TENM1: variants seen among roughly 807,000 people sequenced by gnomAD.
TENM1 encodes the protein teneurin-1.
A neutral mutation model predicts 174.8 loss-of-function variants in TENM1; 35 were observed. That is an observed-to-expected ratio of 0.20 (90% CI 0.15 to 0.27). TENM1 has a LOEUF of 0.27. Among genes scored for constraint, TENM1 ranks in the 10% least tolerant of loss-of-function variants. The pLI is 1.00. For synonymous variants in TENM1, 781 were observed against 798.7 expected (o/e 0.98, Z 0.37); for missense variants, 1,633 against 2,130.1 (o/e 0.77, Z 4.59).
intron 11 of TENM1, among the ~76,000 whole-genome samples, chrX:124,641,237 G>C (rs772483222): frequency 8.0e-5 from 9 of 111,833 alleles, no homozygotes; most frequent in Non-Finnish European, 1.5e-4. Context: ...AATAGTTTGT[G>C]GTAGGCTTTT....
the TENM1 span, among the ~76,000 whole-genome samples, chrX:125,175,296 T>G: frequency 9.0e-6 from 1 of 111,389 alleles, no homozygotes; most frequent in Non-Finnish European, 1.9e-5. Context: ...TATTCACCCT[T>G]TCAGGAATGA....
At chrX:124,788,312 T>C (rs1198869463) in intron 3 of TENM1, among the ~76,000 whole-genome samples, 1 of 110,771 alleles carries the variant, frequency 9.0e-6, no homozygotes, top group Non-Finnish European at 1.9e-5. Context: ...CAATATGAGA[T>C]TTGGGTGGGG....
the TENM1 span, among the ~76,000 whole-genome samples, chrX:125,107,517 T>C: frequency 4.5e-5 from 5 of 112,085 alleles, no homozygotes; most frequent in South Asian, 1.9e-3. Flanking sequence ...AGGCACCTTC[T>C]TCTCACCTCC....
At chrX:124,904,711 T>C (rs1439423891) in intron 1 of TENM1, among the ~76,000 whole-genome samples, 3 of 112,166 alleles carry the variant, frequency 2.7e-5, no homozygotes, top group Non-Finnish European at 5.6e-5. Context: ...CAAAGGAAGC[T>C]TTCTACACTA....
Position 124,420,340 on chromosome X carries a change from AC to A in TENM1, c.4952del (p.Ser1651IlefsTer18). On this transcript the variant is annotated frameshift_variant, in exon 25 of 32. Transcript: ENST00000422452. LOFTEE classifies it high-confidence loss of function. ...AAACGGTTGTCCATCCATTTTCGTT[AC>A]TTTTGGTAGCCAGAAGCCCTGTGTT... 8.3e-7 allele frequency: 1 copy of A among 1,204,121 alleles called. No individual in the cohort carries two copies. Among genetic ancestry groups the A allele is most frequent in the Non-Finnish European group, 1.1e-6 (1 of 890,303 alleles).
chrX:125,200,650 T>A, the TENM1 span, among the ~76,000 whole-genome samples: 1,011 of 53,862 alleles, frequency 0.019, 15 homozygotes, highest in African/African-American at 0.096. Flanking sequence ...TGTGTGTGTG[T>A]GTGTGAGAGA....
the TENM1 span, among the ~76,000 whole-genome samples, chrX:125,142,691 A>G: frequency 9.0e-6 from 1 of 111,692 alleles, no homozygotes; most frequent in Non-Finnish European, 1.9e-5. Context: ...CTACATCTCT[A>G]GGCATCTCAT....
At chrX:124,869,845 T>A (rs1207045995) in intron 3 of TENM1, among the ~76,000 whole-genome samples, 1 of 56,363 alleles carries the variant, frequency 1.8e-5, no homozygotes, top group Non-Finnish European at 3.4e-5. Flanking sequence ...TAGGGGGCTG[T>A]GGGGGGAGGT....
intron 11 of TENM1, among the ~76,000 whole-genome samples, chrX:124,577,962 G>C (rs183776169): frequency 1.9e-5 from 2 of 105,392 alleles, no homozygotes; most frequent in Non-Finnish European, 1.9e-5. Flanking sequence ...GTCTCACTCC[G>C]TTGCCCAGGC....
intron 23 of TENM1, among the ~76,000 whole-genome samples, chrX:124,428,602 A>G (rs4825903): frequency 0.18 from 19,604 of 111,487 alleles, 1,616 homozygotes; most frequent in South Asian, 0.37. Flanking sequence ...GTAACAAAAC[A>G]AGGAGGCTAG....
rs143319441 is a variant in TENM1 at position 124,762,444 on chromosome X, C to T, written c.536-25247G>A. On this transcript the variant is annotated intron_variant, in intron 3 of 31. Coordinates refer to ENST00000422452, the Ensembl canonical transcript of TENM1. ...CTTTCTAAGACAGATGGTTTTAAAA[C>T]TTATTTCTTACTATACTTTGCATCT... 9.0e-3 allele frequency among the ~76,000 whole-genome samples: 1,008 copies of T among 112,228 alleles called. 12 individuals are homozygous for T. The highest frequency in any genetic ancestry group is 0.031 in the African/African-American group (961 of 30,924).
chrX:125,115,674 C>T, the TENM1 span, among the ~76,000 whole-genome samples: 17 of 111,081 alleles, frequency 1.5e-4, no homozygotes, highest in African/African-American at 5.3e-4. Context: ...AGGAATACAA[C>T]TTACAAGGGA....
intron 4 of TENM1, among the ~76,000 whole-genome samples, chrX:124,734,189 C>T (rs113722692): frequency 0.14 from 15,970 of 111,540 alleles, 1,355 homozygotes; most frequent in African/African-American, 0.32. Flanking sequence ...CGGTGGCTCA[C>T]GCCTGTAATC....
chrX:124,986,734 C>T, the TENM1 span, among the ~76,000 whole-genome samples: 1 of 110,814 alleles, frequency 9.0e-6, no homozygotes, highest in Admixed American at 9.6e-5. Flanking sequence ...CTTCACCTCC[C>T]GGGTCCAAGC....
the TENM1 span, among the ~76,000 whole-genome samples, chrX:125,143,303 TTTTA>T: frequency 1.8e-4 from 20 of 112,125 alleles, no homozygotes; most frequent in South Asian, 3.7e-4. Context: ...CTCCCTCTAA[TTTTA>T]TTTAAAGGAA....
Position 124,655,020 on chromosome X carries a change from G to A in TENM1, c.1169-1237C>T, listed in dbSNP as rs1001785155. On this transcript the variant is annotated intron_variant, in intron 6 of 31. Transcript: ENST00000422452. ...AGTAGAGATTCTCAAACTTTAATGCGTACAAGAAGGCAGTTTTTTAAAATA... is the reference window on the plus strand; with the variant it reads ...AGTAGAGATTCTCAAACTTTAATGCATACAAGAAGGCAGTTTTTTAAAATA... Among the ~76,000 whole-genome samples, 8 of 112,046 alleles carry A rather than the reference G, an allele frequency of 7.1e-5. No individual in the cohort carries two copies. In the East Asian group the frequency reaches 8.4e-4, roughly 12 times the overall value.
intron 5 of TENM1, among the ~76,000 whole-genome samples, chrX:124,702,997 C>T (rs941998498): frequency 2.7e-5 from 3 of 111,226 alleles, no homozygotes; most frequent in Admixed American, 9.6e-5. Context: ...GAATTTTAAT[C>T]GTGAATAATA....
At chrX:124,808,133 A>G (rs1234137913) in intron 3 of TENM1, among the ~76,000 whole-genome samples, 2 of 112,042 alleles carry the variant, frequency 1.8e-5, no homozygotes, top group Non-Finnish European at 3.8e-5. Flanking sequence ...GAAGTGGTAG[A>G]AAAAGATGCT....
At position 124,843,246 on chromosome X, in the gene TENM1, T is replaced by C. The variant is rs139560155; in HGVS notation, c.535+51050A>G. ...TAAACTTGTTCTCTTTAAGCACTGT[T>C]TCTTTCAAAATGAGATCCTGTCATT... On this transcript the variant is annotated intron_variant, in intron 3 of 31. Coordinates refer to ENST00000422452, the Ensembl canonical transcript of TENM1. 4.2e-3 allele frequency among the ~76,000 whole-genome samples: 469 copies of C among 111,858 alleles called. 5 individuals are homozygous for C. The highest frequency in any genetic ancestry group is 0.041 in the Middle Eastern group (9 of 218).
Sources: gnomAD v4.1 joint callset for allele counts (sites outside exome capture counted in the v4.1 genomes callset) on GRCh38, gnomAD v4.1.1 for gene constraint, MANE v1.5 for transcripts, NCBI Gene and HGNC (gene_info 2026-07-23, HGNC 2026-07-21) for gene names.